CCDC74A: variants seen among roughly 807,000 people sequenced by gnomAD.
The protein encoded by CCDC74A is coiled-coil domain containing 74A.
In CCDC74A, 38 loss-of-function variants were observed where a neutral mutation model predicts 37.6. The ratio of observed to expected loss-of-function variants is 1.01; its 90% CI spans 0.78 to 1.33. The LOEUF (loss-of-function observed/expected upper bound fraction) is 1.33, where lower values mean the gene tolerates loss of function less well. CCDC74A is among the 40% of genes most tolerant of loss of function. CCDC74A has a pLI of 0.00. For synonymous variants in CCDC74A, 134 were observed against 165.2 expected, an observed-to-expected ratio of 0.81 and a Z score of 1.45; for missense variants, 340 against 403.4, an observed-to-expected ratio of 0.84 and a Z score of 1.35.
rs1410990191 is a variant in CCDC74A at position 131,533,256 on chromosome 2, C to T, written c.810-13C>T. 2 of 1,612,344 alleles carry T rather than the reference C, an allele frequency of 1.2e-6. No homozygotes were observed. The highest frequency in any genetic ancestry group is 1.7e-6 in the Non-Finnish European group (2 of 1,179,732). Reference sequence around the variant, plus strand: ...GGGGATGCTCACGGTGACAGTCCCTCTACCCGCCCCAGCCTGAGCCCACCT... The same window carrying T: ...GGGGATGCTCACGGTGACAGTCCCTTTACCCGCCCCAGCCTGAGCCCACCT... On this transcript the variant is annotated splice_polypyrimidine_tract_variant and intron_variant, in intron 7 of 7. Coordinates refer to ENST00000409856, the MANE Select transcript of CCDC74A (RefSeq NM_001258306.3).
chr2:131,523,561 A>G (rs1210728605), upstream of CCDC74A, among the ~76,000 whole-genome samples: 1 of 152,168 alleles, frequency 6.6e-6, no homozygotes, highest in African/African-American at 2.4e-5. Flanking sequence ...TGGGATGTAG[A>G]GGTTGCAGTA....
intron 7 of CCDC74A, 82 bp downstream of exon 7, chr2:131,533,151 C>T (rs760350741): frequency 1.5e-5 from 24 of 1,609,924 alleles, no homozygotes; most frequent in Admixed American, 1.0e-4. Flanking sequence ...AGGGTGGCAG[C>T]GCAGAAGCAG....
intron 4 of CCDC74A, among the ~76,000 whole-genome samples, chr2:131,532,018 C>T (rs1436346415): frequency 6.7e-6 from 1 of 150,290 alleles, no homozygotes; most frequent in Admixed American, 6.6e-5. Context: ...CCCTGGGGGT[C>T]CTGCAGAGTA....
At chr2:131,531,079 G>A (rs537304466) in intron 3 of CCDC74A, among the ~76,000 whole-genome samples, 1 of 152,264 alleles carries the variant, frequency 6.6e-6, no homozygotes, top group African/African-American at 2.4e-5. Flanking sequence ...GGGGCAGCAA[G>A]CAGGCAGGAG....
intron 1 of CCDC74A, chr2:131,528,698 C>CGAGT: frequency 1.5e-5 from 6 of 408,114 alleles, no homozygotes; most frequent in South Asian, 1.2e-4. Context: ...GTAGTCCCAG[C>CGAGT]TACTCGGGAG....
intron 4 of CCDC74A, among the ~76,000 whole-genome samples, 182 bp downstream of exon 4, chr2:131,531,984 G>A (rs1317013463): frequency 2.7e-5 from 4 of 149,388 alleles, no homozygotes; most frequent in African/African-American, 4.9e-5. Flanking sequence ...TCTACCCATC[G>A]GTGGGCGCTG....
intron 1 of CCDC74A, chr2:131,529,232 T>C (rs1298845384): frequency 5.6e-5 from 18 of 321,874 alleles, no homozygotes; most frequent in Middle Eastern, 5.5e-4. Context: ...GGACCCCGCT[T>C]CCCCATGTCT....
chr2:131,529,419 A>G, intron 1 of CCDC74A: 1 of 684,242 alleles, frequency 1.5e-6, no homozygotes, highest in Non-Finnish European at 2.6e-6. Context: ...CAGATGGATG[A>G]GGCCGATATG....
At chr2:131,526,557 A>T (rs1481207726), upstream of CCDC74A, among the ~76,000 whole-genome samples, 3 of 152,210 alleles carry the variant, frequency 2.0e-5, no homozygotes, top group Non-Finnish European at 4.4e-5. Flanking sequence ...CATATTAATC[A>T]TAGTTGTATT....
At position 131,533,468 on chromosome 2, in the gene CCDC74A, T is replaced by C. The variant is rs1681758372; in HGVS notation, c.*70T>C. On this transcript the variant is annotated 3_prime_UTR_variant, in exon 8 of 8. Transcript: ENST00000409856. ...GAGACTGGCTCTCTATAGCATTTCCTGATACTTCCGCTACTTTTAGGCCTG... is the reference window on the plus strand; with the variant it reads ...GAGACTGGCTCTCTATAGCATTTCCCGATACTTCCGCTACTTTTAGGCCTG... The C allele has an allele frequency of 6.3e-7, 1 of 1,585,254 alleles. No homozygotes were observed. Among genetic ancestry groups the C allele is most frequent in the South Asian group, 1.1e-5 (1 of 88,550 alleles).
At chr2:131,528,517 C>T (rs1439345317) in intron 1 of CCDC74A, 7 of 1,416,694 alleles carry the variant, frequency 4.9e-6, no homozygotes, top group African/African-American at 4.4e-5. Flanking sequence ...CTGTTAAAAA[C>T]TTTATAGAGG....
At chr2:131,528,726 G>GCGTGAAC (rs1680649652) in intron 1 of CCDC74A, 1 of 374,558 alleles carries the variant, frequency 2.7e-6, no homozygotes, top group African/African-American at 2.1e-5. Flanking sequence ...CAGGAGAATG[G>GCGTGAAC]CGTGAACCCG....
At chr2:131,529,835 G>A (rs1295648189) in intron 2 of CCDC74A, 144 bp downstream of exon 2, 16 of 1,517,528 alleles carry the variant, frequency 1.1e-5, no homozygotes, top group African/African-American at 4.2e-5. Flanking sequence ...GACAGATGCC[G>A]CTACCTCTAG....
In CCDC74A at chr2:131,528,638, G is replaced by T. The variant is rs574921433; in HGVS notation, c.250+418G>T. 88 of 634,418 alleles carry T rather than the reference G, an allele frequency of 1.4e-4. No individual in the cohort carries two copies. In the African/African-American group the frequency reaches 1.5e-3, roughly 11 times the overall value. 39.3% of individuals were successfully genotyped at this position (634,418 alleles called of 1,614,324 possible). A position where few individuals can be genotyped will look rare whatever the true frequency, so the allele number is the denominator to read the frequency against. ...ATCCTGGCTAACACGGTGAAATCTC[G>T]TCTCTACTAAAAATACAAAACAATT... On this transcript the variant is annotated intron_variant, in intron 1 of 7. Transcript: ENST00000409856.
Position 131,532,666 on chromosome 2 carries a change from C to T in CCDC74A, c.563C>T (p.Ala188Val), listed in dbSNP as rs369824578. 14 of 1,612,844 alleles carry T rather than the reference C, an allele frequency of 8.7e-6. No homozygotes were observed. The highest frequency in any genetic ancestry group is 8.3e-5 in the Admixed American group (5 of 59,926). Residue 188 changes from alanine to valine, a missense_variant, in exon 5 of 8, where the codon GCG (alanine) becomes GTG (valine). Ala to Val is a moderately conservative substitution (Grantham distance 64). Around this residue, in one of 3 missense-constraint regions of CCDC74A, gnomAD observed 185 missense variants for 231.5 expected, o/e 0.80. Transcript: ENST00000409856. ...CAGCACCAGGGCAGGCAGATGGGGG[C>T]GGGGGCACACCCCCCAATGATCCTG... Reference protein sequence around the residue: ...NSQHQGRQMGAGAHPPMILPL... With the variant: ...NSQHQGRQMGVGAHPPMILPL...
upstream of CCDC74A, among the ~76,000 whole-genome samples, chr2:131,523,735 G>A (rs1172897726): frequency 6.6e-6 from 1 of 152,192 alleles, no homozygotes; most frequent in African/African-American, 2.4e-5. Flanking sequence ...CAGATTCCAG[G>A]GAGAATCAAC....
chr2:131,533,067 A>C lies in CCDC74A; in HGVS notation c.807A>C (p.Lys269Asn). The C allele has an allele frequency of 6.2e-7, 1 of 1,613,806 alleles. No individual in the cohort carries two copies. Among genetic ancestry groups the C allele is most frequent in the South Asian group, 1.1e-5 (1 of 91,076 alleles). Residue 269 changes from lysine (K) to asparagine (N), a missense_variant and splice_region_variant, in exon 7 of 8, where the codon AAA becomes AAC. Coordinates refer to ENST00000409856, the MANE Select transcript of CCDC74A (RefSeq NM_001258306.3). ...TCTCCACCAAGAGCCTCTCCAAGAA[A>C]TGGTAAGTCCCACAGGCATGGGGAC... The part of the protein sequence containing the change: ...PKVSTKSLSK[K>N]CLSPPVAERA...
At chr2:131,530,302 G>A (rs543540412) in intron 2 of CCDC74A, 55 of 1,543,138 alleles carry the variant, frequency 3.6e-5, no homozygotes, top group South Asian at 2.5e-4. Context: ...GCTGACATCA[G>A]GAGGACATCT....
Position 131,533,404 on chromosome 2 carries a change from C to A in CCDC74A, c.*6C>A. 1 of 1,613,316 alleles carries A rather than the reference C, an allele frequency of 6.2e-7. No individual in the cohort carries two copies. The highest frequency in any genetic ancestry group is 8.5e-7 in the Non-Finnish European group (1 of 1,179,932). ...TGCATCGCTCAGTGCTTTGAGCCAC[C>A]CCAATCTGGTCAGTGCCAGGCCCAC... On this transcript the variant is annotated 3_prime_UTR_variant, in exon 8 of 8. Transcript: ENST00000409856.
Sources: gnomAD v4.1 joint callset for allele counts (sites outside exome capture counted in the v4.1 genomes callset) on GRCh38, gnomAD v4.1.1 for gene constraint, gnomAD v4.1.1 regional missense constraint, MANE v1.5 for transcripts, NCBI Gene and HGNC (gene_info 2026-07-23, HGNC 2026-07-21) for gene names.